GALNTL6: variants seen among roughly 807,000 people sequenced by gnomAD.
The protein encoded by GALNTL6 is polypeptide N-acetylgalactosaminyltransferase like 6, also known as polypeptide N-acetylgalactosaminyltransferase-like 6.
GALNTL6 carries 46 observed loss-of-function variants against 73.7 expected under a neutral mutation model. That is an observed-to-expected ratio of 0.62 (90% CI 0.49 to 0.80). The LOEUF is 0.80. Ranked by LOEUF, GALNTL6 falls within the 30% of genes least tolerant of loss-of-function variation. The probability of loss-of-function intolerance (pLI) is 0.00; values close to 1 mark genes in which losing one functional copy is unlikely to be tolerated. For missense variants in GALNTL6, 604 were observed against 755.0 expected (o/e 0.80, Z 2.34); for synonymous variants, 259 against 263.7 (o/e 0.98, Z 0.17).
chr4:171,918,110 T>C (rs1424746417), intron 2 of GALNTL6, among the ~76,000 whole-genome samples: 2 of 152,102 alleles, frequency 1.3e-5, no homozygotes, highest in Non-Finnish European at 2.9e-5. Flanking sequence ...ATATCTTCGT[T>C]TTGTTGTGCT....
At chr4:172,724,794 A>G (rs999057539) in intron 5 of GALNTL6, among the ~76,000 whole-genome samples, 6 of 152,204 alleles carry the variant, frequency 3.9e-5, no homozygotes, top group Non-Finnish European at 8.8e-5. Flanking sequence ...GAAACCTGAG[A>G]AAGAGAAAAA....
chr4:172,055,285 T>C (rs1730988819), intron 2 of GALNTL6, among the ~76,000 whole-genome samples: 1 of 152,178 alleles, frequency 6.6e-6, no homozygotes, highest in South Asian at 2.1e-4. Flanking sequence ...AATCAGGCTA[T>C]TTTAAGGTAG....
Position 172,292,284 on chromosome 4 carries a change from A to G in GALNTL6, c.248-19330A>G, listed in dbSNP as rs544935385. Among the ~76,000 whole-genome samples the G allele has an allele frequency of 2.5e-4, 38 of 152,206 alleles. No individual in the cohort carries two copies. In the South Asian group the frequency reaches 7.9e-3, roughly 32 times the overall value. ...TGATAAATTATAGCATAAAAAAAAA[A>G]CTTCCTGACATCTGCAAACAAGTCT... On this transcript the variant is annotated intron_variant, in intron 3 of 12. Coordinates refer to ENST00000506823, the MANE Select transcript of GALNTL6 (RefSeq NM_001034845.3).
At chr4:172,691,057 A>G (rs1037212201) in intron 5 of GALNTL6, among the ~76,000 whole-genome samples, 2 of 152,208 alleles carry the variant, frequency 1.3e-5, no homozygotes, top group Admixed American at 1.3e-4. Context: ...GGCTGAAAAC[A>G]TTCAGGAACT....
At chr4:171,976,726 G>A (rs946894110) in intron 2 of GALNTL6, among the ~76,000 whole-genome samples, 3 of 152,164 alleles carry the variant, frequency 2.0e-5, no homozygotes, top group Admixed American at 1.3e-4. Flanking sequence ...GAGTCGTTTA[G>A]GAAAGACTTA....
intron 5 of GALNTL6, among the ~76,000 whole-genome samples, chr4:172,364,534 T>G (rs1055971309): frequency 9.2e-5 from 14 of 152,188 alleles, no homozygotes; most frequent in African/African-American, 3.4e-4. Context: ...GAAAAACCCT[T>G]TGATCACTGG....
At chr4:172,246,945 T>C (rs1057067388) in intron 3 of GALNTL6, among the ~76,000 whole-genome samples, 6 of 152,138 alleles carry the variant, frequency 3.9e-5, no homozygotes, top group Non-Finnish European at 8.8e-5. Flanking sequence ...TATCTTCTTA[T>C]TGACTTTTCC....
intron 2 of GALNTL6, among the ~76,000 whole-genome samples, chr4:171,956,484 A>T (rs1560858304): frequency 6.6e-6 from 1 of 152,182 alleles, no homozygotes; most frequent in Non-Finnish European, 1.5e-5. Context: ...CATCTTTATC[A>T]AGATCAAGTA....
At chr4:172,776,114 A>G (rs1739058609) in intron 5 of GALNTL6, among the ~76,000 whole-genome samples, 1 of 152,238 alleles carries the variant, frequency 6.6e-6, no homozygotes, top group African/African-American at 2.4e-5. Context: ...CTCCTGGCCC[A>G]CGGAAACTGA....
Position 172,539,727 on chromosome 4 carries a change from G to T in GALNTL6, c.553+191038G>T, listed in dbSNP as rs547932219. 1.4e-3 allele frequency among the ~76,000 whole-genome samples: 217 copies of T among 151,846 alleles called. 1 individual carries two copies. Among genetic ancestry groups the T allele is most frequent in the Admixed American group, 7.6e-3 (116 of 15,232 alleles). ...AAATTTTATGAAGCTAGTTGAACTG[G>T]CTTGTCATGGGCAGAATTATATATA... is the stretch of plus-strand genomic sequence containing the variant. On this transcript the variant is annotated intron_variant, in intron 5 of 12. Transcript: ENST00000506823.
chr4:172,021,429 G>A (rs12504701), intron 2 of GALNTL6, among the ~76,000 whole-genome samples: 66,333 of 151,856 alleles, frequency 0.44, 15,000 homozygotes, highest in Admixed American at 0.54. Flanking sequence ...AGACATTGAC[G>A]AAAGAAATTG....
chr4:171,949,895 A>T lies in GALNTL6; in HGVS notation c.138+135177A>T, dbSNP rs1239602168. Among the ~76,000 whole-genome samples the T allele has an allele frequency of 4.6e-5, 7 of 152,150 alleles. 2 individuals carry two copies. Among genetic ancestry groups the T allele is most frequent in the Admixed American group, 4.6e-4 (7 of 15,264 alleles). On this transcript the variant is annotated intron_variant, in intron 2 of 12. Transcript: ENST00000506823. ...GGCAACCTAGTTGTAAAAAGATTTT[A>T]AAAAGGAGGTTTGGGCGGGGACAAT... is the stretch of plus-strand genomic sequence containing the variant.
At chr4:172,421,285 AT>A (rs1418494702) in intron 5 of GALNTL6, among the ~76,000 whole-genome samples, 1 of 152,144 alleles carries the variant, frequency 6.6e-6, no homozygotes, top group African/African-American at 2.4e-5. Context: ...TAAAGTGAAA[AT>A]AATCATAATT....
chr4:172,905,812 C>CAAAAAAAAAAA (rs397996287), intron 8 of GALNTL6, among the ~76,000 whole-genome samples: 8 of 69,670 alleles, frequency 1.1e-4, no homozygotes, highest in Admixed American at 3.2e-4. Flanking sequence ...AGAGATCACT[C>CAAAAAAAAAAA]AAAAAAAAAA....
At chr4:172,865,241 G>T (rs879136004) in intron 7 of GALNTL6, among the ~76,000 whole-genome samples, 1 of 152,174 alleles carries the variant, frequency 6.6e-6, no homozygotes, top group African/African-American at 2.4e-5. Flanking sequence ...CTTCATCTGG[G>T]TCTAGTGACC....
rs77964551 is a variant in GALNTL6 at position 172,664,503 on chromosome 4, T to C, written c.554-144858T>C. On this transcript the variant is annotated intron_variant, in intron 5 of 12. Coordinates refer to ENST00000506823, the MANE Select transcript of GALNTL6 (RefSeq NM_001034845.3). ...TTGTCTCTTTTCCTCTGGACATAACTAAGGTATGTTGGACTATCCAGTTTA... is the reference window on the plus strand; with the variant it reads ...TTGTCTCTTTTCCTCTGGACATAACCAAGGTATGTTGGACTATCCAGTTTA... Among the ~76,000 whole-genome samples, 690 of 152,338 alleles carry C rather than the reference T, an allele frequency of 4.5e-3. 2 individuals are homozygous for C. The highest frequency in any genetic ancestry group is 7.6e-3 in the Non-Finnish European group (519 of 68,032).
chr4:171,944,803 C>G lies in GALNTL6; in HGVS notation c.138+130085C>G, dbSNP rs145828057. 1.5e-3 allele frequency among the ~76,000 whole-genome samples: 220 copies of G among 151,324 alleles called. 1 individual carries two copies. Among genetic ancestry groups the G allele is most frequent in the African/African-American group, 5.1e-3 (211 of 41,174 alleles). On this transcript the variant is annotated intron_variant, in intron 2 of 12. Coordinates refer to ENST00000506823, the MANE Select transcript of GALNTL6 (RefSeq NM_001034845.3). ...AAAAGAAATTTATTGTTGCATTATA[C>G]AAAGATACTTAAAAAAAAAATCTCA... is the stretch of plus-strand genomic sequence containing the variant.
intron 5 of GALNTL6, among the ~76,000 whole-genome samples, chr4:172,612,261 G>T (rs556506268): frequency 1.3e-5 from 2 of 152,132 alleles, no homozygotes. Context: ...CAAATCAAAT[G>T]TACAGTGTTG....
intron 5 of GALNTL6, among the ~76,000 whole-genome samples, chr4:172,356,976 T>A: frequency 6.6e-6 from 1 of 152,132 alleles, no homozygotes. Flanking sequence ...GATAATTGAA[T>A]CTAATTTATT....
Sources: allele counts gnomAD v4.1 joint callset (sites outside exome capture counted in the v4.1 genomes callset), GRCh38; gene constraint gnomAD v4.1.1; transcripts MANE v1.5; gene names NCBI Gene and HGNC (gene_info 2026-07-23, HGNC 2026-07-21).